The following COMMD1 variants were observed in gnomAD, a reference collection of about 807,000 sequenced individuals.
The protein encoded by COMMD1 is COMM domain-containing protein 1.
Under a neutral mutation model 17.2 loss-of-function variants are expected in COMMD1, and 10 were observed. The observed-to-expected ratio is 0.58, with a 90% CI of 0.36 to 0.99. The LOEUF is 0.99. COMMD1 is among the 50% of genes least tolerant of loss of function. COMMD1 has a pLI of 0.01. For synonymous variants in COMMD1, 97 were observed against 91.6 expected (o/e 1.06, Z -0.34); for missense variants, 270 against 231.8 (o/e 1.17, Z -1.07).
intron 2 of COMMD1, among the ~76,000 whole-genome samples, chr2:62,131,896 AT>A (rs1198359263): frequency 2.4e-3 from 300 of 124,410 alleles, no homozygotes; most frequent in Non-Finnish European, 2.2e-3. Context: ...ACACACACAC[AT>A]TTTTTTTTTT....
intron 1 of COMMD1, among the ~76,000 whole-genome samples, chr2:61,945,639 T>G (rs1289855302): frequency 6.6e-6 from 1 of 152,232 alleles, no homozygotes; most frequent in Non-Finnish European, 1.5e-5. Context: ...CAGGACGTCC[T>G]GATGACATGT....
chr2:62,073,979 G>T (rs1057013121), intron 2 of COMMD1, among the ~76,000 whole-genome samples: 3 of 152,160 alleles, frequency 2.0e-5, no homozygotes, highest in African/African-American at 7.2e-5. Flanking sequence ...TTAAAGGCAT[G>T]AGCCACCGTG....
chr2:62,054,861 C>G (rs191056029), intron 2 of COMMD1, among the ~76,000 whole-genome samples: 53 of 152,040 alleles, frequency 3.5e-4, no homozygotes, highest in Non-Finnish European at 5.3e-4. Flanking sequence ...TAAATTGGTA[C>G]AAATAAAAAG....
chr2:62,076,925 A>G (rs559395353), intron 2 of COMMD1, among the ~76,000 whole-genome samples: 1 of 152,246 alleles, frequency 6.6e-6, no homozygotes, highest in African/African-American at 2.4e-5. Flanking sequence ...TGAGCCCAAG[A>G]GTTTGAGACT....
intron 1 of COMMD1, among the ~76,000 whole-genome samples, chr2:61,927,946 G>A (rs1297916840): frequency 6.6e-6 from 1 of 152,068 alleles, no homozygotes; most frequent in Non-Finnish European, 1.5e-5. Flanking sequence ...TATTTTTTTA[G>A]TAGAGATGGG....
chr2:62,014,690 T>G (rs1213419962), intron 2 of COMMD1, among the ~76,000 whole-genome samples: 1 of 150,168 alleles, frequency 6.7e-6, no homozygotes, highest in Non-Finnish European at 1.5e-5. Context: ...GCCTCCCGAG[T>G]AGCTGGGACT....
At chr2:61,988,165 A>G (rs1487762993) in intron 1 of COMMD1, among the ~76,000 whole-genome samples, 1 of 152,038 alleles carries the variant, frequency 6.6e-6, no homozygotes, top group Non-Finnish European at 1.5e-5. Flanking sequence ...ACTGTGGTAG[A>G]GCTGGTACCT....
intron 2 of COMMD1, among the ~76,000 whole-genome samples, chr2:62,076,603 C>T (rs922981024): frequency 1.8e-4 from 27 of 152,038 alleles, no homozygotes; most frequent in Non-Finnish European, 2.5e-4. Flanking sequence ...AAAAACTAGC[C>T]GGGCATGGTG....
chr2:61,938,533 G>A (rs1193022330), intron 1 of COMMD1, among the ~76,000 whole-genome samples: 1 of 152,200 alleles, frequency 6.6e-6, no homozygotes, highest in Admixed American at 6.5e-5. Context: ...ACCTTCACGT[G>A]CCCACTTGGG....
At chr2:62,132,502 A>G (rs1234957073) in intron 2 of COMMD1, among the ~76,000 whole-genome samples, 1 of 152,188 alleles carries the variant, frequency 6.6e-6, no homozygotes, top group Non-Finnish European at 1.5e-5. Context: ...TATGTTAGTT[A>G]CTGGTAATCA....
At chr2:62,013,665 G>A (rs1300297925) in intron 2 of COMMD1, among the ~76,000 whole-genome samples, 1 of 152,308 alleles carries the variant, frequency 6.6e-6, no homozygotes, top group East Asian at 1.9e-4. Flanking sequence ...TTGAATATGG[G>A]TGAGTTGCTT....
intron 1 of COMMD1, among the ~76,000 whole-genome samples, chr2:61,932,610 G>T (rs531171562): frequency 6.6e-6 from 1 of 152,094 alleles, no homozygotes; most frequent in East Asian, 1.9e-4. Flanking sequence ...GTGTTGATTG[G>T]TGGTGGGGTC....
At chr2:62,027,602 G>A (rs1298412278) in intron 2 of COMMD1, among the ~76,000 whole-genome samples, 2 of 151,716 alleles carry the variant, frequency 1.3e-5, no homozygotes, top group Non-Finnish European at 2.9e-5. Flanking sequence ...AGCAATGCCT[G>A]CAAGTCCCTA....
intron 2 of COMMD1, among the ~76,000 whole-genome samples, chr2:62,120,450 T>C (rs1672713358): frequency 6.6e-6 from 1 of 152,174 alleles, no homozygotes; most frequent in African/African-American, 2.4e-5. Context: ...AACTTCAAAC[T>C]AAAATCAACA....
chr2:62,088,273 A>G (rs1671725132), intron 2 of COMMD1, among the ~76,000 whole-genome samples: 1 of 151,902 alleles, frequency 6.6e-6, no homozygotes, highest in Non-Finnish European at 1.5e-5. Context: ...ATCCCCCACT[A>G]TCTTTGCTTT....
At chr2:61,990,903 T>TATACAC (rs776666143) in intron 1 of COMMD1, among the ~76,000 whole-genome samples, 2,431 of 116,104 alleles carry the variant, frequency 0.021, 43 homozygotes, top group Non-Finnish European at 0.033. Context: ...TATATATATA[T>TATACAC]ACACACACAC....
intron 2 of COMMD1, among the ~76,000 whole-genome samples, chr2:62,108,561 T>C (rs977108232): frequency 6.6e-6 from 1 of 152,154 alleles, no homozygotes; most frequent in Non-Finnish European, 1.5e-5. Context: ...TTAAGGCAGA[T>C]TTCTCTCTTG....
intron 2 of COMMD1, among the ~76,000 whole-genome samples, chr2:62,053,818 CA>C (rs1441971797): frequency 6.6e-6 from 1 of 152,020 alleles, no homozygotes; most frequent in African/African-American, 2.4e-5. Flanking sequence ...TTGTTTTTGT[CA>C]ATTTAAAATG....
intron 1 of COMMD1, among the ~76,000 whole-genome samples, chr2:61,990,549 G>T (rs1672219543): frequency 6.6e-6 from 1 of 152,102 alleles, no homozygotes; most frequent in Non-Finnish European, 1.5e-5. Flanking sequence ...TGCTGATAAA[G>T]ACATAGCCGA....
Sources: allele counts gnomAD v4.1 joint callset (sites outside exome capture counted in the v4.1 genomes callset), GRCh38; gene constraint gnomAD v4.1.1; transcripts MANE v1.5; gene names NCBI Gene and HGNC (gene_info 2026-07-23, HGNC 2026-07-21).